STXBP5L: variants seen among roughly 807,000 people sequenced by gnomAD.
STXBP5L encodes the protein syntaxin-binding protein 5-like.
A neutral mutation model predicts 144.5 loss-of-function variants in STXBP5L; 65 were observed. The ratio of observed to expected loss-of-function variants is 0.45; its 90% CI spans 0.37 to 0.55. STXBP5L has a LOEUF of 0.55. Ranked by LOEUF, STXBP5L falls within the 20% of genes least tolerant of loss-of-function variation. The pLI is 0.00. For synonymous variants in STXBP5L, 505 were observed against 469.6 expected (o/e 1.08, Z -0.97); for missense variants, 1,298 against 1,405.5 (o/e 0.92, Z 1.22).
At chr3:121,091,338 C>T (rs961422231) in intron 5 of STXBP5L, among the ~76,000 whole-genome samples, 2 of 148,692 alleles carry the variant, frequency 1.3e-5, no homozygotes, top group Non-Finnish European at 2.9e-5. Flanking sequence ...GTTTTAGAAC[C>T]CTGAGGAATC....
chr3:121,337,439 TAAA>T (rs59662899), intron 20 of STXBP5L, among the ~76,000 whole-genome samples: 29 of 71,090 alleles, frequency 4.1e-4, no homozygotes, highest in African/African-American at 1.4e-3. Context: ...GCAACAACAG[TAAA>T]AAAAAAAAAA....
rs572274544 is a variant in STXBP5L at position 121,210,047 on chromosome 3, C to T, written c.956+4046C>T. ...ATGGTTGAACTAGTTTACAGTCCCA[C>T]CAACAGTGTAAAAGTGTTCCTATTT... On this transcript the variant is annotated intron_variant, in intron 10 of 26. Transcript: ENST00000471454. Among the ~76,000 whole-genome samples, 7 of 152,316 alleles carry T rather than the reference C, an allele frequency of 4.6e-5. No individual in the cohort carries two copies. The East Asian group carries it at 1.3e-3, about 29-fold the overall frequency.
intron 3 of STXBP5L, among the ~76,000 whole-genome samples, chr3:120,964,522 G>T (rs894526955): frequency 6.6e-6 from 1 of 151,992 alleles, no homozygotes; most frequent in African/African-American, 2.4e-5. Flanking sequence ...CCTTCATTTC[G>T]TTATTTACCC....
chr3:120,932,221 C>T (rs1006092200), intron 2 of STXBP5L, among the ~76,000 whole-genome samples: 1 of 152,172 alleles, frequency 6.6e-6, no homozygotes, highest in South Asian at 2.1e-4. Flanking sequence ...TGTCATTATG[C>T]AGCACATGAT....
chr3:120,990,805 C>T (rs1013897467), intron 3 of STXBP5L, among the ~76,000 whole-genome samples: 1 of 152,162 alleles, frequency 6.6e-6, no homozygotes, highest in African/African-American at 2.4e-5. Context: ...GGATCCCTTC[C>T]TTACACGTTA....
chr3:121,174,681 GC>G (rs780802984), intron 9 of STXBP5L, among the ~76,000 whole-genome samples: 3 of 152,100 alleles, frequency 2.0e-5, no homozygotes, highest in Non-Finnish European at 4.4e-5. Flanking sequence ...AAGGTATAAA[GC>G]CCCCTGGGGC....
chr3:121,201,396 G>T (rs2048132962), intron 9 of STXBP5L, among the ~76,000 whole-genome samples: 1 of 151,994 alleles, frequency 6.6e-6, no homozygotes, highest in African/African-American at 2.4e-5. Flanking sequence ...TTTATTTTGA[G>T]CCTAAGTATG....
intron 3 of STXBP5L, among the ~76,000 whole-genome samples, chr3:120,970,661 G>A (rs765638259): frequency 1.3e-5 from 2 of 152,052 alleles, no homozygotes; most frequent in East Asian, 3.9e-4. Flanking sequence ...GGTTGAATTT[G>A]ATGGGTGGCC....
chr3:121,305,710 T>C (rs1005540544), intron 19 of STXBP5L, among the ~76,000 whole-genome samples: 2 of 151,956 alleles, frequency 1.3e-5, no homozygotes, highest in Admixed American at 6.6e-5. Context: ...AAATACTGAC[T>C]TTTTTTTGTA....
intron 11 of STXBP5L, among the ~76,000 whole-genome samples, chr3:121,226,005 C>T (rs1247167359): frequency 6.6e-6 from 1 of 152,106 alleles, no homozygotes; most frequent in Non-Finnish European, 1.5e-5. Context: ...CTAGTACATA[C>T]TGATATCCTT....
chr3:121,172,431 A>T (rs1418630989), intron 9 of STXBP5L, among the ~76,000 whole-genome samples: 1 of 152,194 alleles, frequency 6.6e-6, no homozygotes, highest in Non-Finnish European at 1.5e-5. Flanking sequence ...TTTGCAATCT[A>T]TCCATCTGAC....
intron 3 of STXBP5L, among the ~76,000 whole-genome samples, chr3:121,004,388 G>T (rs1312814929): frequency 6.6e-6 from 1 of 152,008 alleles, no homozygotes; most frequent in Non-Finnish European, 1.5e-5. Context: ...TGTGATTTTT[G>T]CCCATTGATT....
At chr3:120,925,903 C>T (rs1201349298) in intron 2 of STXBP5L, among the ~76,000 whole-genome samples, 1 of 152,162 alleles carries the variant, frequency 6.6e-6, no homozygotes, top group Admixed American at 6.5e-5. Context: ...TATATTAGAT[C>T]ATACAAAGAA....
intron 23 of STXBP5L, among the ~76,000 whole-genome samples, chr3:121,409,235 T>C (rs2047063512): frequency 6.6e-6 from 1 of 151,806 alleles, no homozygotes; most frequent in Non-Finnish European, 1.5e-5. Context: ...TACGTTTATG[T>C]AGTGAAAGAA....
chr3:121,305,207 T>G (rs1346365855), intron 19 of STXBP5L, among the ~76,000 whole-genome samples: 1 of 152,118 alleles, frequency 6.6e-6, no homozygotes, highest in Non-Finnish European at 1.5e-5. Context: ...AAGCCACAGG[T>G]GGCTGCACTT....
At chr3:121,177,837 A>C (rs1191311) in intron 9 of STXBP5L, among the ~76,000 whole-genome samples, 77,659 of 152,092 alleles carry the variant, frequency 0.51, 20,283 homozygotes, top group Admixed American at 0.6. Context: ...ATATTCATTG[A>C]CACGTTATTC....
chr3:121,278,280 A>G (rs562830856), intron 18 of STXBP5L, among the ~76,000 whole-genome samples: 1 of 152,012 alleles, frequency 6.6e-6, no homozygotes, highest in Admixed American at 6.6e-5. Flanking sequence ...TGTTTAATAT[A>G]TTTTTGCCCA....
intron 3 of STXBP5L, among the ~76,000 whole-genome samples, chr3:121,025,171 T>C (rs754105533): frequency 2.6e-5 from 4 of 152,126 alleles, no homozygotes; most frequent in Non-Finnish European, 5.9e-5. Context: ...ATTATAAATA[T>C]TTCTTTAAAG....
At position 121,407,158 on chromosome 3, in the gene STXBP5L, A is replaced by G. The variant is rs185516907; in HGVS notation, c.2588-85A>G. ...GGCAATATTATGACTCTATAGGTAT[A>G]AATTATCACAATGTAAAACTTTAAT... On this transcript the variant is annotated intron_variant, in intron 22 of 26. Transcript: ENST00000471454. The G allele has an allele frequency of 1.4e-5, 20 of 1,470,898 alleles. 1 individual carries two copies. In the Admixed American group the frequency reaches 3.7e-4, roughly 28 times the overall value. The allele number at this position is 1,470,898 out of a possible 1,614,324, so 91.1% of individuals were successfully genotyped here. A position where few individuals can be genotyped will look rare whatever the true frequency, so the allele number is the denominator to read the frequency against.
Sources: gnomAD v4.1 joint callset for allele counts (sites outside exome capture counted in the v4.1 genomes callset) on GRCh38, gnomAD v4.1.1 for gene constraint, MANE v1.5 for transcripts, NCBI Gene and HGNC (gene_info 2026-07-23, HGNC 2026-07-21) for gene names.